The following TMEM116 variants were observed in gnomAD, a reference collection of about 807,000 sequenced individuals.
TMEM116 encodes transmembrane protein 116.
TMEM116 carries 38 observed loss-of-function variants against 44.3 expected under a neutral mutation model. That is an observed-to-expected ratio of 0.86 (90% confidence interval 0.66 to 1.12). The LOEUF is 1.12. Among genes scored for constraint, TMEM116 ranks in the 50% most tolerant of loss-of-function variants. TMEM116 has a pLI of 0.00. For missense variants in TMEM116, 354 were observed against 401.7 expected (o/e 0.88, Z 1.01); for synonymous variants, 132 against 144.8 (o/e 0.91, Z 0.64).
chr12:111,986,816 T>C (rs1565942674), intron 4 of TMEM116, among the ~76,000 whole-genome samples: 1 of 151,808 alleles, frequency 6.6e-6, no homozygotes, highest in East Asian at 1.9e-4. Context: ...CTCAAATAAA[T>C]AAATAAATGG....
chr12:112,011,862 C>T (rs2077856435), intron 1 of TMEM116: 1 of 152,242 alleles, frequency 6.6e-6, no homozygotes, highest in Non-Finnish European at 1.5e-5. Flanking sequence ...CCACACATGG[C>T]TAATTTTTCT....
At chr12:111,974,483 C>T (rs1410198539) in intron 4 of TMEM116, among the ~76,000 whole-genome samples, 1 of 151,906 alleles carries the variant, frequency 6.6e-6, no homozygotes, top group African/African-American at 2.4e-5. Context: ...AACCCTGTCT[C>T]TACTAAAAAT....
At chr12:111,963,083 G>C (rs1240724719) in intron 4 of TMEM116, among the ~76,000 whole-genome samples, 1 of 152,192 alleles carries the variant, frequency 6.6e-6, no homozygotes, top group African/African-American at 2.4e-5. Flanking sequence ...CTGGTCATTA[G>C]AGAAATGCAA....
At chr12:111,984,135 TA>T (rs911409452) in intron 4 of TMEM116, among the ~76,000 whole-genome samples, 1 of 151,410 alleles carries the variant, frequency 6.6e-6, no homozygotes, top group African/African-American at 2.4e-5. Flanking sequence ...TTTTCATGAT[TA>T]AAAAAAAGCC....
intron 8 of TMEM116, chr12:111,934,633 C>T (rs1593260166): frequency 6.6e-6 from 1 of 152,208 alleles, no homozygotes; most frequent in East Asian, 1.9e-4. Context: ...TGGCATGTGC[C>T]TTTAATTCCA....
At chr12:111,977,680 A>G (rs184730907) in intron 4 of TMEM116, among the ~76,000 whole-genome samples, 114 of 152,294 alleles carry the variant, frequency 7.5e-4, no homozygotes, top group Non-Finnish European at 1.3e-4. Flanking sequence ...CTTAGCTGAC[A>G]TAATAGTAAT....
intron 4 of TMEM116, among the ~76,000 whole-genome samples, chr12:111,975,860 T>A: frequency 6.6e-6 from 1 of 151,960 alleles, no homozygotes; most frequent in South Asian, 2.1e-4. Context: ...CAAAAATAAA[T>A]GCTTAAGATT....
chr12:111,981,202 C>T (rs2075920722), intron 4 of TMEM116, among the ~76,000 whole-genome samples: 1 of 152,120 alleles, frequency 6.6e-6, no homozygotes, highest in Non-Finnish European at 1.5e-5. Context: ...AAAATCTATC[C>T]TTCCACTAAC....
chr12:111,986,787 T>A (rs2076252154), intron 4 of TMEM116, among the ~76,000 whole-genome samples: 1 of 152,000 alleles, frequency 6.6e-6, no homozygotes, highest in Non-Finnish European at 1.5e-5. Context: ...CCAGCCTGGG[T>A]AACAGAGCAA....
intron 1 of TMEM116, among the ~76,000 whole-genome samples, chr12:112,009,431 G>T (rs1032792171): frequency 6.6e-6 from 1 of 151,422 alleles, no homozygotes; most frequent in South Asian, 2.1e-4. Flanking sequence ...ATATGTCAAG[G>T]ATCTTAGTAT....
chr12:111,944,563 G>T (rs533953186), intron 4 of TMEM116, among the ~76,000 whole-genome samples: 1 of 152,268 alleles, frequency 6.6e-6, no homozygotes, highest in Admixed American at 6.5e-5. Context: ...TGAGCTGAGC[G>T]ACAGAATTCA....
intron 3 of TMEM116, among the ~76,000 whole-genome samples, chr12:111,992,685 G>A (rs1593591744): frequency 6.6e-6 from 1 of 152,192 alleles, no homozygotes; most frequent in Non-Finnish European, 1.5e-5. Flanking sequence ...ACTGAAAAAT[G>A]TCAGAATGAA....
intron 4 of TMEM116, among the ~76,000 whole-genome samples, chr12:111,988,351 T>C (rs1339069174): frequency 6.6e-6 from 1 of 152,222 alleles, no homozygotes; most frequent in Non-Finnish European, 1.5e-5. Context: ...TTAAAAATTT[T>C]TTAATAGTAA....
chr12:111,947,460 A>G (rs1034023632), intron 4 of TMEM116, among the ~76,000 whole-genome samples: 2 of 152,206 alleles, frequency 1.3e-5, no homozygotes, highest in African/African-American at 4.8e-5. Context: ...ACATTGTCAA[A>G]AGGTAAGTGA....
chr12:112,009,568 T>C (rs1593703761), intron 1 of TMEM116, among the ~76,000 whole-genome samples: 3 of 147,268 alleles, frequency 2.0e-5, no homozygotes, highest in South Asian at 2.1e-4. Flanking sequence ...CTGGGTGCAG[T>C]GGGTCACGCC....
chr12:111,959,623 A>G (rs2074427179), intron 4 of TMEM116, among the ~76,000 whole-genome samples: 1 of 152,234 alleles, frequency 6.6e-6, no homozygotes, highest in Non-Finnish European at 1.5e-5. Flanking sequence ...AGAGACACAC[A>G]TAGGCTCAAA....
At chr12:111,960,308 T>C (rs2074479863) in intron 4 of TMEM116, among the ~76,000 whole-genome samples, 1 of 150,906 alleles carries the variant, frequency 6.6e-6, no homozygotes, top group Non-Finnish European at 1.5e-5. Flanking sequence ...GCTGACATGG[T>C]GAAAACTCCA....
chr12:112,003,917 GT>G, intron 2 of TMEM116, 54 bp from the exon 3 acceptor site: 2 of 1,419,796 alleles, frequency 1.4e-6, no homozygotes. Context: ...GAGTGCCATC[GT>G]TTTTGTTATT....
chr12:111,949,862 C>T (rs1252932742), intron 4 of TMEM116, among the ~76,000 whole-genome samples: 1 of 152,168 alleles, frequency 6.6e-6, no homozygotes, highest in Non-Finnish European at 1.5e-5. Context: ...TGCCTGTAAT[C>T]CCAGCACTTT....
Sources: allele counts gnomAD v4.1 joint callset (sites outside exome capture counted in the v4.1 genomes callset), GRCh38; gene constraint gnomAD v4.1.1; transcripts MANE v1.5; gene names NCBI Gene and HGNC (gene_info 2026-07-23, HGNC 2026-07-21).